Variants in NEDD4 observed in about 807,000 individuals in gnomAD.
The protein encoded by NEDD4 is E3 ubiquitin-protein ligase NEDD4.
Under a neutral mutation model 144.9 loss-of-function variants are expected in NEDD4, and 99 were observed. The observed-to-expected ratio is 0.68, with a 90% CI of 0.58 to 0.81. The LOEUF is 0.81. Ranked by LOEUF, NEDD4 falls within the 30% of genes least tolerant of loss-of-function variation. The pLI is 0.00. For synonymous variants in NEDD4, 318 were observed against 350.6 expected (o/e 0.91, Z 1.04); for missense variants, 985 against 1,065.9 (o/e 0.92, Z 1.06).
intron 13 of NEDD4, among the ~76,000 whole-genome samples, chr15:55,851,306 T>C (rs2033970148): frequency 6.6e-6 from 1 of 151,870 alleles, no homozygotes; most frequent in Non-Finnish European, 1.5e-5. Context: ...AATAACAACA[T>C]GGACAGAGCT....
intron 5 of NEDD4, among the ~76,000 whole-genome samples, chr15:55,913,050 T>C (rs1484046671): frequency 6.6e-6 from 1 of 152,150 alleles, no homozygotes; most frequent in African/African-American, 2.4e-5. Flanking sequence ...CTCAATTTTA[T>C]ACTGCTAGAG....
At chr15:55,904,644 G>A (rs2036027414) in intron 5 of NEDD4, among the ~76,000 whole-genome samples, 1 of 152,134 alleles carries the variant, frequency 6.6e-6, no homozygotes, top group Non-Finnish European at 1.5e-5. Context: ...CTCTTCTTCT[G>A]AGTGACAGGT....
chr15:55,978,446 G>C (rs1187998968), intron 1 of NEDD4, among the ~76,000 whole-genome samples: 1 of 152,124 alleles, frequency 6.6e-6, no homozygotes, highest in Non-Finnish European at 1.5e-5. Flanking sequence ...TCACTTTCAT[G>C]TGTTGAGATT....
At chr15:55,929,737 T>C (rs760143712) in intron 4 of NEDD4, among the ~76,000 whole-genome samples, 5 of 152,294 alleles carry the variant, frequency 3.3e-5, no homozygotes, top group Admixed American at 6.5e-5. Flanking sequence ...TATGATAGAT[T>C]ACCAGAGATC....
chr15:55,914,266 T>C (rs868532625), intron 5 of NEDD4, among the ~76,000 whole-genome samples: 22 of 151,912 alleles, frequency 1.4e-4, no homozygotes, highest in African/African-American at 5.3e-4. Context: ...TTAAGGTTTT[T>C]TCCCCCCAAA....
At chr15:55,979,354 T>C (rs2037760398) in intron 1 of NEDD4, among the ~76,000 whole-genome samples, 1 of 128,792 alleles carries the variant, frequency 7.8e-6, no homozygotes, top group South Asian at 2.7e-4. Flanking sequence ...TTTTTTTTTT[T>C]TTTTTTTTTT....
At chr15:55,874,104 GTTT>G (rs139714439) in intron 5 of NEDD4, 96 bp from the exon 6 acceptor site, 1 of 536,880 alleles carries the variant, frequency 1.9e-6, no homozygotes, top group African/African-American at 2.0e-5. Flanking sequence ...AAAATGTAGA[GTTT>G]TTTTTTTATT....
At chr15:55,988,199 T>A (rs1181319159) in intron 1 of NEDD4, among the ~76,000 whole-genome samples, 1 of 134,226 alleles carries the variant, frequency 7.5e-6, no homozygotes, top group Non-Finnish European at 1.6e-5. Flanking sequence ...TTGGAAACCA[T>A]CATTCTCAGT....
intron 4 of NEDD4, among the ~76,000 whole-genome samples, chr15:55,941,667 C>G (rs1020949842): frequency 2.6e-5 from 4 of 151,734 alleles, no homozygotes; most frequent in Non-Finnish European, 5.9e-5. Context: ...CAGGTTCAAG[C>G]GATTCTCGTG....
Position 55,839,990 on chromosome 15 carries a change from AAAAAAAAAAATATATATATATATATATAT to A in NEDD4, c.2031+428_2031+456del, listed in dbSNP as rs1566900886. Reference sequence around the variant, plus strand: ...CTCTGTCTCAAAAAAAAAAAAAAAAAAAAAAAAAAATATATATATATATATATATATATATATATATATATATATATAAC... The same window carrying A: ...CTCTGTCTCAAAAAAAAAAAAAAAAAATATATATATATATATATATATAAC... On this transcript the variant is annotated intron_variant, in intron 21 of 28. Coordinates refer to ENST00000435532, the MANE Select transcript of NEDD4 (RefSeq NM_006154.4). Among the ~76,000 whole-genome samples the A allele has an allele frequency of 7.2e-5, 4 of 55,726 alleles. No individual in the cohort carries two copies. The South Asian group carries it at 2.1e-3, about 29-fold the overall frequency. The allele number at this position is 55,726 out of a possible 152,430, so 36.6% of individuals were successfully genotyped here. A position where few individuals can be genotyped will look rare whatever the true frequency, so the allele number is the denominator to read the frequency against.
intron 4 of NEDD4, among the ~76,000 whole-genome samples, chr15:55,944,390 G>A (rs2089635): frequency 0.3 from 46,073 of 152,008 alleles, 7,135 homozygotes; most frequent in South Asian, 0.38. Context: ...CACTGCTAGC[G>A]CAGCAGTCTG....
intron 5 of NEDD4, among the ~76,000 whole-genome samples, chr15:55,878,925 C>T (rs963398760): frequency 3.3e-5 from 5 of 152,216 alleles, no homozygotes; most frequent in African/African-American, 4.8e-5. Context: ...CTCGTTCAAG[C>T]GATTCTTCTG....
chr15:55,938,527 G>C (rs2036935501), intron 4 of NEDD4, among the ~76,000 whole-genome samples: 1 of 152,050 alleles, frequency 6.6e-6, no homozygotes, highest in Non-Finnish European at 1.5e-5. Context: ...CAGAGAAGAA[G>C]CTTCTTGACT....
intron 5 of NEDD4, among the ~76,000 whole-genome samples, chr15:55,907,859 T>G (rs760783196): frequency 7.9e-5 from 12 of 152,212 alleles, no homozygotes; most frequent in Admixed American, 2.0e-4. Flanking sequence ...GGAAACTTGA[T>G]CTGAGCCTCT....
intron 4 of NEDD4, among the ~76,000 whole-genome samples, chr15:55,938,803 CAAT>C (rs1268072234): frequency 6.6e-6 from 1 of 151,490 alleles, no homozygotes; most frequent in African/African-American, 2.4e-5. Flanking sequence ...ACAACAACAA[CAAT>C]AACAAAATAA....
chr15:55,889,116 A>T, intron 5 of NEDD4, among the ~76,000 whole-genome samples: 1 of 152,298 alleles, frequency 6.6e-6, no homozygotes, highest in Middle Eastern at 3.4e-3. Context: ...CAAGGTAAAA[A>T]GCTTTTGCAC....
chr15:55,923,579 G>A (rs1476600632), intron 5 of NEDD4, among the ~76,000 whole-genome samples: 4 of 151,068 alleles, frequency 2.6e-5, no homozygotes, highest in South Asian at 2.1e-4. Context: ...CCCTGGAGGC[G>A]GAGGTTGCAG....
At chr15:55,830,393 AC>A in intron 28 of NEDD4, 120 bp downstream of exon 28, 2 of 883,308 alleles carry the variant, frequency 2.3e-6, no homozygotes, top group Non-Finnish European at 3.7e-6. Flanking sequence ...ACTCCTTCTT[AC>A]CCATAATCCA....
At chr15:55,917,698 A>C (rs778267009) in intron 5 of NEDD4, among the ~76,000 whole-genome samples, 3 of 152,172 alleles carry the variant, frequency 2.0e-5, no homozygotes, top group Non-Finnish European at 4.4e-5. Flanking sequence ...GCTGTCACTA[A>C]GCATTTTCTC....
Sources: gnomAD v4.1 joint callset for allele counts (sites outside exome capture counted in the v4.1 genomes callset) on GRCh38, gnomAD v4.1.1 for gene constraint, MANE v1.5 for transcripts, NCBI Gene and HGNC (gene_info 2026-07-23, HGNC 2026-07-21) for gene names.